The following CHRM3 variants were observed in gnomAD, a reference collection of about 807,000 sequenced individuals.
CHRM3 encodes the protein cholinergic receptor muscarinic 3, also known as muscarinic acetylcholine receptor M3.
A neutral mutation model predicts 41.8 loss-of-function variants in CHRM3; 11 were observed. The ratio of observed to expected loss-of-function variants is 0.26; its 90% CI spans 0.17 to 0.44. CHRM3 has a LOEUF of 0.44. Among genes scored for constraint, CHRM3 ranks in the 20% least tolerant of loss-of-function variants. The probability of loss-of-function intolerance (pLI) is 1.00; values close to 1 mark genes in which losing one functional copy is unlikely to be tolerated. For missense variants in CHRM3, 571 were observed against 745.4 expected (o/e 0.77, Z 2.72); for synonymous variants, 297 against 301.4 (o/e 0.99, Z 0.15).
intron 3 of CHRM3, among the ~76,000 whole-genome samples, chr1:239,622,775 G>T (rs72758715): frequency 6.6e-6 from 1 of 151,906 alleles, no homozygotes; most frequent in African/African-American, 2.4e-5. Context: ...AGAATATTAC[G>T]TAAACTTAGT....
intron 6 of CHRM3, among the ~76,000 whole-genome samples, chr1:239,888,449 C>T (rs1250171939): frequency 6.6e-6 from 1 of 151,938 alleles, no homozygotes; most frequent in Non-Finnish European, 1.5e-5. Context: ...TATGGTTAGC[C>T]AGGCATGGTG....
intron 3 of CHRM3, among the ~76,000 whole-genome samples, chr1:239,627,902 G>A (rs1669186859): frequency 6.7e-6 from 1 of 150,328 alleles, no homozygotes; most frequent in Non-Finnish European, 1.5e-5. Context: ...TCCTTTGAGG[G>A]TAACCCGACC....
chr1:239,687,929 TGA>T (rs2149127546), intron 5 of CHRM3, among the ~76,000 whole-genome samples: 1 of 152,262 alleles, frequency 6.6e-6, no homozygotes, highest in African/African-American at 2.4e-5. Context: ...AATTACCTAA[TGA>T]CACATTTCTT....
chr1:239,874,577 T>G (rs1676956802), intron 6 of CHRM3, among the ~76,000 whole-genome samples: 1 of 151,806 alleles, frequency 6.6e-6, no homozygotes, highest in Non-Finnish European at 1.5e-5. Flanking sequence ...AAGCCGTATA[T>G]GTACATGTAT....
intron 5 of CHRM3, among the ~76,000 whole-genome samples, chr1:239,760,281 CA>C (rs1666647405): frequency 6.6e-6 from 1 of 152,108 alleles, no homozygotes; most frequent in Non-Finnish European, 1.5e-5. Flanking sequence ...TTTGTCTCCG[CA>C]GTGGGTTCTC....
chr1:239,742,983 C>T (rs1057188207), intron 5 of CHRM3, among the ~76,000 whole-genome samples: 1 of 152,056 alleles, frequency 6.6e-6, no homozygotes, highest in Non-Finnish European at 1.5e-5. Context: ...AATTTATTGT[C>T]AGGGGAATCA....
At chr1:239,508,617 ACTC>A (rs548620930) in intron 2 of CHRM3, among the ~76,000 whole-genome samples, 50 of 152,244 alleles carry the variant, frequency 3.3e-4, no homozygotes, top group African/African-American at 1.2e-3. Flanking sequence ...TCACCAATAA[ACTC>A]CTATTTATAA....
intron 1 of CHRM3, among the ~76,000 whole-genome samples, chr1:239,420,157 C>G (rs565044588): frequency 6.6e-6 from 1 of 152,090 alleles, no homozygotes; most frequent in Non-Finnish European, 1.5e-5. Context: ...TCATTGAACC[C>G]CATCTGGTTT....
At chr1:239,752,770 C>A (rs1252669861) in intron 5 of CHRM3, among the ~76,000 whole-genome samples, 2 of 152,026 alleles carry the variant, frequency 1.3e-5, no homozygotes, top group Non-Finnish European at 2.9e-5. Context: ...ATGGAAAATT[C>A]TGAAATTACT....
chr1:239,430,700 CAT>C (rs200402810), intron 1 of CHRM3, among the ~76,000 whole-genome samples: 1,920 of 151,064 alleles, frequency 0.013, 24 homozygotes, highest in East Asian at 0.062. Flanking sequence ...CACACACACA[CAT>C]ACACACACAT....
At chr1:239,433,875 T>G (rs6662827) in intron 1 of CHRM3, among the ~76,000 whole-genome samples, 38,611 of 152,060 alleles carry the variant, frequency 0.25, 4,956 homozygotes, top group Middle Eastern at 0.34. Flanking sequence ...CATGGGCATT[T>G]GGGCTGGTTC....
At chr1:239,576,623 A>C (rs956496076) in intron 3 of CHRM3, among the ~76,000 whole-genome samples, 2 of 127,750 alleles carry the variant, frequency 1.6e-5, no homozygotes, top group African/African-American at 2.6e-5. Context: ...CACACACACA[A>C]CAAACAAACA....
intron 3 of CHRM3, chr1:239,629,190 G>C (rs2148856542): frequency 6.9e-6 from 1 of 145,574 alleles, no homozygotes; most frequent in East Asian, 2.1e-4. Context: ...CCAGGTGTGG[G>C]ATATAGTCTC....
At chr1:239,419,362 C>CTTTT (rs55633677) in intron 1 of CHRM3, among the ~76,000 whole-genome samples, 1 of 136,568 alleles carries the variant, frequency 7.3e-6, no homozygotes, top group African/African-American at 2.7e-5. Flanking sequence ...CCGACCCAGC[C>CTTTT]TTTTTTTTTT....
chr1:239,770,578 G>A (rs1667579192), intron 5 of CHRM3, among the ~76,000 whole-genome samples: 1 of 152,156 alleles, frequency 6.6e-6, no homozygotes, highest in South Asian at 2.1e-4. Context: ...GTAGTCTGCA[G>A]TTATGGGGAA....
intron 1 of CHRM3, among the ~76,000 whole-genome samples, chr1:239,389,212 C>A (rs1443708100): frequency 2.6e-5 from 4 of 151,992 alleles, no homozygotes; most frequent in Non-Finnish European, 5.9e-5. Context: ...GGAAAAGGAG[C>A]AAATGTGGAA....
chr1:239,515,834 C>G lies in CHRM3; in HGVS notation c.-422+23027C>G, dbSNP rs773932849. Among the ~76,000 whole-genome samples the G allele has an allele frequency of 2.0e-5, 3 of 152,080 alleles. 1 individual carries two copies. Among genetic ancestry groups the G allele is most frequent in the African/African-American group, 7.2e-5 (3 of 41,406 alleles). ...ACTACCCTTAGTTAAAAGTTAGATG[C>G]CTAAAATGTACTATATTTTATGTTT... On this transcript the variant is annotated intron_variant, in intron 2 of 6. Coordinates refer to ENST00000676153, the MANE Select transcript of CHRM3 (RefSeq NM_001375978.1).
chr1:239,794,479 A>G (rs147421256), intron 5 of CHRM3, among the ~76,000 whole-genome samples: 2 of 149,698 alleles, frequency 1.3e-5, no homozygotes, highest in East Asian at 4.0e-4. Context: ...CAAATGGATG[A>G]TTCAGTAACA....
chr1:239,662,424 G>A (rs1191665038), intron 4 of CHRM3, among the ~76,000 whole-genome samples: 2 of 152,118 alleles, frequency 1.3e-5, no homozygotes, highest in African/African-American at 4.8e-5. Flanking sequence ...ATGACAACAT[G>A]CATTTTGTCA....
Sources: gnomAD v4.1 joint callset for allele counts (sites outside exome capture counted in the v4.1 genomes callset) on GRCh38, gnomAD v4.1.1 for gene constraint, MANE v1.5 for transcripts, NCBI Gene and HGNC (gene_info 2026-07-23, HGNC 2026-07-21) for gene names.